Variants in SYT12 observed in about 807,000 individuals in gnomAD.
SYT12 encodes the protein synaptotagmin 12.
In SYT12, 27 loss-of-function variants were observed where a neutral mutation model predicts 39.5. That is an observed-to-expected ratio of 0.68 (90% CI 0.50 to 0.94). The LOEUF is 0.94. SYT12 is among the 40% of genes least tolerant of loss of function. The probability of loss-of-function intolerance (pLI) is 0.00; values close to 1 mark genes in which losing one functional copy is unlikely to be tolerated. For missense variants in SYT12, 536 were observed against 572.6 expected (o/e 0.94, Z 0.65); for synonymous variants, 233 against 239.7 (o/e 0.97, Z 0.26).
chr11:67,007,547 T>C (rs1255462367), intron 1 of SYT12: 2 of 152,014 alleles, frequency 1.3e-5, no homozygotes, highest in Non-Finnish European at 2.9e-5. Context: ...GTATATTTCT[T>C]TTCTTATTTA....
intron 1 of SYT12, among the ~76,000 whole-genome samples, chr11:67,008,074 C>T (rs1191784824): frequency 6.6e-6 from 1 of 151,724 alleles, no homozygotes; most frequent in East Asian, 1.9e-4. Context: ...CTGCCTCAGC[C>T]TCCCGAGTAG....
chr11:67,034,574 C>T (rs962549128), intron 2 of SYT12, 71 bp from the exon 3 acceptor site: 145 of 1,403,064 alleles, frequency 1.0e-4, no homozygotes, highest in Middle Eastern at 2.4e-4. Flanking sequence ...ATGTAGAAGT[C>T]GGTGCTGCTC....
rs1950466664 is a variant in SYT12 at position 67,039,870 on chromosome 11, C to T, written c.288C>T (p.Gly96=). 1 of 1,613,500 alleles carries T rather than the reference C, an allele frequency of 6.2e-7. No homozygotes were observed. The highest frequency in any genetic ancestry group is 1.1e-5 in the South Asian group (1 of 91,082). The change falls in exon 4 of 8, where the codon GGC becomes GGT. Residue 96 remains glycine, a synonymous_variant. Coordinates refer to ENST00000527043, the MANE Select transcript of SYT12 (RefSeq NM_177963.4). ...ASTRGPPSRK[G]SLSIEDTFES... Reference sequence around the variant, plus strand: ...CGCGGGGACCACCCAGCCGCAAAGGCAGTCTCAGCATTGAGGACACCTTTG... The same window carrying T: ...CGCGGGGACCACCCAGCCGCAAAGGTAGTCTCAGCATTGAGGACACCTTTG...
intron 3 of SYT12, among the ~76,000 whole-genome samples, chr11:67,037,178 C>G (rs11227661): frequency 5.4e-4 from 82 of 152,210 alleles, no homozygotes; most frequent in Non-Finnish European, 5.9e-5. Flanking sequence ...TTGCTTGAAC[C>G]TAGGAGCCAA....
At chr11:67,030,519 C>T (rs989291383) in intron 2 of SYT12, 5 of 282,412 alleles carry the variant, frequency 1.8e-5, no homozygotes, top group Non-Finnish European at 3.3e-5. Context: ...TCTGTGGAGA[C>T]TGTCAAGTAG....
chr11:67,011,618 T>C (rs1033333866), intron 3 of SYT12, among the ~76,000 whole-genome samples: 7 of 152,230 alleles, frequency 4.6e-5, no homozygotes, highest in Admixed American at 4.6e-4. Flanking sequence ...ACACTGGGTC[T>C]GAGGCAGTAG....
chr11:67,038,989 A>AAAATAAATAAAT (rs375878477), intron 3 of SYT12, among the ~76,000 whole-genome samples: 3 of 149,656 alleles, frequency 2.0e-5, no homozygotes, highest in South Asian at 4.2e-4. Flanking sequence ...TCTGTCTCAA[A>AAAATAAATAAAT]AAATAAATAA....
chr11:67,006,943 G>A (rs1476465828), exon 1 of SYT12: 1 of 152,198 alleles, frequency 6.6e-6, no homozygotes, highest in Non-Finnish European at 1.5e-5. Flanking sequence ...TTATCTTTTT[G>A]TTAAAGCCAC....
At chr11:67,035,331 CT>C (rs778976882) in intron 3 of SYT12, among the ~76,000 whole-genome samples, 1,822 of 136,386 alleles carry the variant, frequency 0.013, 31 homozygotes, top group East Asian at 0.066. Context: ...TTCTTTCTTT[CT>C]TTTTTTTTTT....
intron 1 of SYT12, chr11:67,027,906 G>A (rs1278799143): frequency 2.0e-5 from 3 of 152,234 alleles, no homozygotes; most frequent in Non-Finnish European, 4.4e-5. Flanking sequence ...GTGCGTGTGT[G>A]TACATTAGCA....
intron 4 of SYT12, among the ~76,000 whole-genome samples, chr11:67,040,600 GA>G (rs1382365812): frequency 6.6e-6 from 1 of 152,180 alleles, no homozygotes; most frequent in Non-Finnish European, 1.5e-5. Context: ...AGCACTTTGG[GA>G]GGCCGAGGCG....
intron 6 of SYT12, 87 bp from the exon 7 acceptor site, chr11:67,045,657 A>G (rs1854517886): frequency 6.5e-7 from 1 of 1,543,018 alleles, no homozygotes; most frequent in African/African-American, 1.4e-5. Context: ...AGCATTGGGG[A>G]GTTTGGAGTC....
At position 67,034,802 on chromosome 11, in the gene SYT12, G is replaced by T; in HGVS notation, c.192G>T (p.Gln64His). The change falls in exon 3 of 8, where the codon CAG becomes CAT. Residue 64 changes from glutamine (Q) to histidine (H), a missense_variant. Transcript: ENST00000527043. ...FPNYDYRYLQ[Q>H]KYGESCAEAR... ...ATTACGACTACAGGTACCTTCAGCA[G>T]AAGTACGGCGAGAGCTGCGCAGAGG... 6.3e-7 allele frequency: 1 copy of T among 1,588,214 alleles called. No individual in the cohort carries two copies. The highest frequency in any genetic ancestry group is 8.5e-7 in the Non-Finnish European group (1 of 1,170,652).
chr11:67,036,677 C>T (rs1186867110), intron 3 of SYT12, among the ~76,000 whole-genome samples: 2 of 151,970 alleles, frequency 1.3e-5, no homozygotes, highest in African/African-American at 2.4e-5. Flanking sequence ...GGCTCACGCC[C>T]GTAATCCCAG....
chr11:67,016,852 C>T (rs1484202466), intron 3 of SYT12, among the ~76,000 whole-genome samples: 1 of 152,216 alleles, frequency 6.6e-6, no homozygotes, highest in East Asian at 1.9e-4. Flanking sequence ...GGAAAGTTCT[C>T]TGTGGCCAGC....
Position 67,034,811 on chromosome 11 carries a change from C to A in SYT12, c.201C>A (p.Gly67=). 6.3e-7 allele frequency: 1 copy of A among 1,584,930 alleles called. No homozygotes were observed. The highest frequency in any genetic ancestry group is 8.6e-7 in the Non-Finnish European group (1 of 1,169,038). Residue 67 remains glycine (G), a synonymous_variant, in exon 3 of 8, where the codon GGC becomes GGA. Transcript: ENST00000527043. ...ACAGGTACCTTCAGCAGAAGTACGG[C>A]GAGAGCTGCGCAGAGGCCAGGGAGA... ...YDYRYLQQKY[G]ESCAEAREKR... is the part of the protein sequence containing the mutation.
chr11:67,035,084 A>C (rs1051863651), intron 3 of SYT12, among the ~76,000 whole-genome samples: 21 of 141,028 alleles, frequency 1.5e-4, no homozygotes, highest in Admixed American at 4.7e-4. Context: ...ATCTGGGCTC[A>C]CTGCAACCTC....
chr11:67,037,596 A>G lies in SYT12; in HGVS notation c.229-2215A>G, dbSNP rs553028506. ...AATAAATAAATAAATAAAATTAGCT[A>G]GGTGTGGGTAGGCACAGTGCTCATG... On this transcript the variant is annotated intron_variant, in intron 3 of 7. Transcript: ENST00000527043. Among the ~76,000 whole-genome samples, 15 of 151,948 alleles carry G rather than the reference A, an allele frequency of 9.9e-5. No individual in the cohort carries two copies. The East Asian group carries it at 2.9e-3, about 29-fold the overall frequency.
chr11:67,044,444 C>A, intron 5 of SYT12, 149 bp from the exon 6 acceptor site: 1 of 1,055,486 alleles, frequency 9.5e-7, no homozygotes, highest in Non-Finnish European at 1.3e-6. Flanking sequence ...CTGTCCCTGC[C>A]TGCCTGGAGC....
Sources: allele counts gnomAD v4.1 joint callset (sites outside exome capture counted in the v4.1 genomes callset), GRCh38; gene constraint gnomAD v4.1.1; transcripts MANE v1.5; gene names NCBI Gene and HGNC (gene_info 2026-07-23, HGNC 2026-07-21).